The following ZNF492 variants were observed in gnomAD, a reference collection of about 807,000 sequenced individuals.
ZNF492 encodes the protein zinc finger protein 115 (Y20).
ZNF492 carries 3 observed loss-of-function variants against 6.4 expected under a neutral mutation model. The ratio of observed to expected loss-of-function variants is 0.47; its 90% confidence interval spans 0.21 to 1.22. ZNF492 has a LOEUF of 1.22. ZNF492 is among the 50% of genes most tolerant of loss of function. The pLI, the probability that ZNF492 is intolerant of heterozygous loss-of-function variation, is 0.22. For missense variants in ZNF492, 356 were observed against 612.5 expected (o/e 0.58, Z 4.42); for synonymous variants, 112 against 205.3 (o/e 0.55, Z 3.89).
intron 3 of ZNF492, among the ~76,000 whole-genome samples, chr19:22,654,261 G>A (rs2145255266): frequency 6.6e-6 from 1 of 152,182 alleles, no homozygotes; most frequent in African/African-American, 2.4e-5. Context: ...AGCCAAGACA[G>A]CCCTCTTCAT....
At chr19:22,645,132 C>T (rs1971864863) in intron 1 of ZNF492, among the ~76,000 whole-genome samples, 1 of 152,006 alleles carries the variant, frequency 6.6e-6, no homozygotes, top group Non-Finnish European at 1.5e-5. Context: ...CTGAAGCCTA[C>T]ACCTCCTGGG....
intron 3 of ZNF492, among the ~76,000 whole-genome samples, chr19:22,660,998 T>C (rs1475336535): frequency 6.6e-6 from 1 of 151,932 alleles, no homozygotes. Context: ...TCACTGGTAA[T>C]ATCATAAGAC....
intron 1 of ZNF492, among the ~76,000 whole-genome samples, chr19:22,634,879 A>T (rs1247506702): frequency 6.6e-6 from 1 of 152,162 alleles, no homozygotes; most frequent in Non-Finnish European, 1.5e-5. Context: ...TCTATTAAAA[A>T]TTTATGGGAG....
intron 1 of ZNF492, among the ~76,000 whole-genome samples, chr19:22,641,227 A>G (rs62118770): frequency 0.11 from 16,974 of 152,154 alleles, 999 homozygotes; most frequent in Middle Eastern, 0.16. Flanking sequence ...TTTTCAATGT[A>G]AGCATTTAAT....
chr19:22,646,679 G>T (rs984657620), intron 1 of ZNF492, among the ~76,000 whole-genome samples: 1 of 152,086 alleles, frequency 6.6e-6, no homozygotes, highest in African/African-American at 2.4e-5. Context: ...CTATTATTTT[G>T]AGATATGTTC....
intron 1 of ZNF492, among the ~76,000 whole-genome samples, chr19:22,637,365 A>G (rs934727430): frequency 2.6e-5 from 4 of 151,892 alleles, no homozygotes; most frequent in African/African-American, 9.7e-5. Context: ...ATCTCAGCTT[A>G]CTGCAGCCTT....
chr19:22,647,344 C>T (rs1971890378), intron 1 of ZNF492, among the ~76,000 whole-genome samples: 2 of 151,314 alleles, frequency 1.3e-5, no homozygotes, highest in African/African-American at 4.9e-5. Context: ...GCAACCTCCG[C>T]CTCCTGGGTT....
At chr19:22,643,816 TA>T (rs1971851987) in intron 1 of ZNF492, among the ~76,000 whole-genome samples, 1 of 152,130 alleles carries the variant, frequency 6.6e-6, no homozygotes, top group South Asian at 2.1e-4. Flanking sequence ...GAATCAAGTA[TA>T]GGGGGTTCAA....
At chr19:22,634,518 G>A (rs1971739924) in intron 1 of ZNF492, 44 bp downstream of exon 1, 4 of 1,370,844 alleles carry the variant, frequency 2.9e-6, no homozygotes, top group East Asian at 4.9e-5. Context: ...GGAAGGGGCT[G>A]GTTGGAACCG....
At chr19:22,636,514 CTGTGTG>C (rs141601969) in intron 1 of ZNF492, among the ~76,000 whole-genome samples, 258 of 147,310 alleles carry the variant, frequency 1.8e-3, no homozygotes, top group African/African-American at 5.0e-3. Context: ...ACATGATCTT[CTGTGTG>C]TGTGTGTGTG....
At chr19:22,657,864 G>T (rs888093095) in intron 3 of ZNF492, among the ~76,000 whole-genome samples, 1 of 151,850 alleles carries the variant, frequency 6.6e-6, no homozygotes, top group Non-Finnish European at 1.5e-5. Context: ...CCCCAATTTT[G>T]GTTATGGCTA....
chr19:22,641,502 A>T (rs1361594417), intron 1 of ZNF492, among the ~76,000 whole-genome samples: 1 of 152,036 alleles, frequency 6.6e-6, no homozygotes. Flanking sequence ...TTTGCTGAGG[A>T]TTGTTTTGCT....
rs1172838173 is a variant in ZNF492 at position 22,666,791 on chromosome 19, C to T, written c.*1526C>T. On this transcript the variant is annotated 3_prime_UTR_variant, in exon 4 of 4. Transcript: ENST00000456783. ...TACTAATTTTACTTTTATGAAAATG[C>T]AGTACATGTTAAAAATTTTAGATTA... 1.3e-5 allele frequency: 2 copies of T among 152,030 alleles called. No individual in the cohort carries two copies. The highest frequency in any genetic ancestry group is 2.9e-5 in the Non-Finnish European group (2 of 67,992). 9.4% of individuals were successfully genotyped at this position (152,030 alleles called of 1,614,324 possible).
intron 3 of ZNF492, among the ~76,000 whole-genome samples, chr19:22,661,248 A>G (rs1972055809): frequency 1.3e-5 from 2 of 150,634 alleles, no homozygotes; most frequent in Non-Finnish European, 3.0e-5. Context: ...ATTTATTCTC[A>G]TTTTTGTGAC....
At chr19:22,649,979 C>T (rs1254831540) in intron 1 of ZNF492, among the ~76,000 whole-genome samples, 1 of 152,164 alleles carries the variant, frequency 6.6e-6, no homozygotes, top group Admixed American at 6.5e-5. Flanking sequence ...TCCAGTTCTG[C>T]ACCCTTGCTG....
chr19:22,641,693 G>A (rs1205502471), intron 1 of ZNF492, among the ~76,000 whole-genome samples: 2 of 152,140 alleles, frequency 1.3e-5, no homozygotes, highest in Non-Finnish European at 2.9e-5. Context: ...TAGTGCCCAC[G>A]GGTGTTGTAG....
rs1971737539 is a variant in ZNF492 at position 22,634,345 on chromosome 19, C to A, written c.-223C>A. ...CGGGGTCTTTGTCTCTCGCTGCAGT[C>A]GGAGTATGGTCTAGTGTTCGCTGTT... On this transcript the variant is annotated 5_prime_UTR_variant, in exon 1 of 4. Coordinates refer to ENST00000456783, the MANE Select transcript of ZNF492 (RefSeq NM_020855.3). 2 of 1,018,584 alleles carry A rather than the reference C, an allele frequency of 2.0e-6. No individual in the cohort carries two copies. The highest frequency in any genetic ancestry group is 6.3e-5 in the East Asian group (2 of 31,598). The allele number at this position is 1,018,584 out of a possible 1,614,324, so 63.1% of individuals were successfully genotyped here.
At chr19:22,653,523 T>G (rs1336124179) in intron 2 of ZNF492, 90 bp downstream of exon 2, 9 of 1,400,312 alleles carry the variant, frequency 6.4e-6, no homozygotes, top group Non-Finnish European at 8.7e-6. Context: ...ATTTATGCTT[T>G]CAGATCTCTG....
rs1972086306 is a variant in ZNF492, at chr19:22,663,912, A to C, written c.243A>C (p.Leu81Phe). The change falls in exon 4 of 4, where the codon TTA becomes TTC. Residue 81 changes from leucine to phenylalanine, a missense_variant. Transcript: ENST00000456783. ...AATGTGGATGTGAAAATTTACAGTT[A>C]AGAAAATACTGTAAAAGCATGGATG... is the stretch of plus-strand genomic sequence containing the variant. ...YKKCGCENLQ[L>F]RKYCKSMDEC... 1 of 1,599,578 alleles carries C rather than the reference A, an allele frequency of 6.3e-7. No individual in the cohort carries two copies. Among genetic ancestry groups the C allele is most frequent in the Non-Finnish European group, 8.5e-7 (1 of 1,174,646 alleles).
Sources: allele counts gnomAD v4.1 joint callset (sites outside exome capture counted in the v4.1 genomes callset), GRCh38; gene constraint gnomAD v4.1.1; transcripts MANE v1.5; gene names NCBI Gene and HGNC (gene_info 2026-07-23, HGNC 2026-07-21).